PDE10A: variants seen among roughly 807,000 people sequenced by gnomAD.
PDE10A encodes the protein phosphodiesterase 10A.
PDE10A carries 39 observed loss-of-function variants against 97.7 expected under a neutral mutation model. That is an observed-to-expected ratio of 0.40 (90% CI 0.31 to 0.52). PDE10A has a LOEUF of 0.52. Ranked by LOEUF, PDE10A falls within the 20% of genes least tolerant of loss-of-function variation. The pLI is 0.56. For synonymous variants in PDE10A, 371 were observed against 376.8 expected, an observed-to-expected ratio of 0.98 and a Z score of 0.18; for missense variants, 731 against 1,047.8, an observed-to-expected ratio of 0.70 and a Z score of 4.17.
intron 1 of PDE10A, among the ~76,000 whole-genome samples, chr6:165,853,728 TAG>T (rs1780636091): frequency 6.6e-6 from 1 of 152,206 alleles, no homozygotes; most frequent in Non-Finnish European, 1.5e-5. Context: ...AACCACATTT[TAG>T]CAGAAAAAAA....
intron 1 of PDE10A, among the ~76,000 whole-genome samples, chr6:165,883,449 G>A (rs1401425462): frequency 6.6e-6 from 1 of 151,888 alleles, no homozygotes; most frequent in Non-Finnish European, 1.5e-5. Flanking sequence ...GGCTGAGGGA[G>A]GAGACTCGCT....
At chr6:165,379,461 G>T (rs1784807215) in intron 17 of PDE10A, 95 bp from the exon 18 acceptor site, 1 of 938,116 alleles carries the variant, frequency 1.1e-6, no homozygotes, top group Non-Finnish European at 1.6e-6. Context: ...GTCAGTCAAT[G>T]ACATCTGGCA....
chr6:165,548,276 C>CT (rs57134252), intron 1 of PDE10A, among the ~76,000 whole-genome samples: 7,801 of 105,414 alleles, frequency 0.074, 515 homozygotes, highest in African/African-American at 0.13. Context: ...CTTTAAATCT[C>CT]TTTTTTTTTT....
chr6:165,650,312 G>GTATAAAAC (rs1490468247), intron 1 of PDE10A, among the ~76,000 whole-genome samples: 16 of 152,198 alleles, frequency 1.1e-4, no homozygotes, highest in African/African-American at 3.6e-4. Flanking sequence ...GTATAAAACG[G>GTATAAAAC]GGTAACACTG....
At chr6:165,937,965 A>T (rs1446486968) in intron 1 of PDE10A, among the ~76,000 whole-genome samples, 1 of 152,234 alleles carries the variant, frequency 6.6e-6, no homozygotes, top group Admixed American at 6.5e-5. Context: ...TTAAAAAAAA[A>T]TCCAGATATC....
chr6:165,472,596 C>T (rs373683324), intron 3 of PDE10A, among the ~76,000 whole-genome samples: 192 of 152,190 alleles, frequency 1.3e-3, no homozygotes, highest in African/African-American at 4.4e-3. Flanking sequence ...GTTTGGTAGA[C>T]TTTATCCCCA....
chr6:165,814,120 A>G (rs1396898002), intron 1 of PDE10A, among the ~76,000 whole-genome samples: 4 of 152,326 alleles, frequency 2.6e-5, no homozygotes, highest in African/African-American at 9.6e-5. Context: ...ATTAATTACC[A>G]TTTCAAAATG....
intron 1 of PDE10A, among the ~76,000 whole-genome samples, chr6:165,733,790 C>T (rs995183076): frequency 6.6e-6 from 1 of 152,110 alleles, no homozygotes; most frequent in Non-Finnish European, 1.5e-5. Flanking sequence ...TCTTCCTGCA[C>T]CAAGCTTCCA....
intron 10 of PDE10A, among the ~76,000 whole-genome samples, chr6:165,421,204 G>A (rs1411050120): frequency 1.3e-5 from 2 of 152,208 alleles, no homozygotes; most frequent in Admixed American, 6.5e-5. Context: ...CACTTTGGGA[G>A]ACTGAGATGG....
chr6:165,961,015 G>A (rs1784343248), intron 1 of PDE10A, among the ~76,000 whole-genome samples: 1 of 152,074 alleles, frequency 6.6e-6, no homozygotes, highest in Non-Finnish European at 1.5e-5. Context: ...AGGGGACCTG[G>A]GCTGGGTCAG....
chr6:165,442,357 T>C (rs1360765792), intron 5 of PDE10A, among the ~76,000 whole-genome samples: 1 of 151,766 alleles, frequency 6.6e-6, no homozygotes, highest in East Asian at 1.9e-4. Flanking sequence ...TGTGTCCTCA[T>C]TGTTCAGTTC....
intron 1 of PDE10A, among the ~76,000 whole-genome samples, chr6:165,824,438 G>A (rs1187658956): frequency 6.6e-6 from 1 of 152,202 alleles, no homozygotes; most frequent in Admixed American, 6.5e-5. Flanking sequence ...TAATTGCTAT[G>A]TAACTCATAC....
chr6:165,482,345 TG>T lies in PDE10A; in HGVS notation c.995-3del. The T allele has an allele frequency of 6.2e-7, 1 of 1,600,334 alleles. No individual in the cohort carries two copies. The highest frequency in any genetic ancestry group is 8.6e-7 in the Non-Finnish European group (1 of 1,167,674). On this transcript the variant is annotated splice_region_variant and splice_polypyrimidine_tract_variant and intron_variant, in intron 2 of 21. Transcript: ENST00000539869. ...TGACTTCCTTAGGAGCTGATTCATC[TG>T]GGGATAGAGAAGGAAGAGGGAAAAA... is the stretch of plus-strand genomic sequence containing the variant.
chr6:165,723,583 G>A (rs1378141658), intron 1 of PDE10A, among the ~76,000 whole-genome samples: 1 of 152,152 alleles, frequency 6.6e-6, no homozygotes, highest in Non-Finnish European at 1.5e-5. Context: ...TGTGAATTCT[G>A]CATTTCACCA....
At chr6:165,871,434 A>T (rs1229811240) in intron 1 of PDE10A, among the ~76,000 whole-genome samples, 1 of 152,204 alleles carries the variant, frequency 6.6e-6, no homozygotes, top group East Asian at 1.9e-4. Flanking sequence ...TCCCGATGTG[A>T]CCTGGTGAGG....
chr6:165,847,314 G>A (rs1479477345), intron 1 of PDE10A, among the ~76,000 whole-genome samples: 1 of 152,196 alleles, frequency 6.6e-6, no homozygotes, highest in Non-Finnish European at 1.5e-5. Flanking sequence ...GCAAGCTGAC[G>A]GTGGCTGTCA....
chr6:165,434,464 A>C (rs1789847694), intron 6 of PDE10A, among the ~76,000 whole-genome samples: 1 of 152,162 alleles, frequency 6.6e-6, no homozygotes, highest in Non-Finnish European at 1.5e-5. Flanking sequence ...AATTTCATTA[A>C]AATGTCCACA....
chr6:165,810,916 C>G (rs1220602429), intron 1 of PDE10A, among the ~76,000 whole-genome samples: 1 of 152,082 alleles, frequency 6.6e-6, no homozygotes, highest in Non-Finnish European at 1.5e-5. Flanking sequence ...TTAGTATTTT[C>G]CATTTTTCTA....
At chr6:165,478,163 T>C (rs530361127) in intron 3 of PDE10A, among the ~76,000 whole-genome samples, 3 of 152,316 alleles carry the variant, frequency 2.0e-5, no homozygotes, top group Admixed American at 6.5e-5. Context: ...CTTACTAATT[T>C]TCCAATCTCA....
Sources: allele counts gnomAD v4.1 joint callset (sites outside exome capture counted in the v4.1 genomes callset), GRCh38; gene constraint gnomAD v4.1.1; transcripts MANE v1.5; gene names NCBI Gene and HGNC (gene_info 2026-07-23, HGNC 2026-07-21).